The following ARL15 variants were observed in gnomAD, a reference collection of about 807,000 sequenced individuals.
ARL15 encodes the protein ARF like GTPase 15, also known as ADP-ribosylation factor-like protein 15.
Under a neutral mutation model 25.2 loss-of-function variants are expected in ARL15, and 19 were observed. That is an observed-to-expected ratio of 0.75 (90% CI 0.53 to 1.10). The LOEUF is 1.10. Ranked by LOEUF, ARL15 falls within the 50% of genes least tolerant of loss-of-function variation. The pLI, the probability that ARL15 is intolerant of heterozygous loss-of-function variation, is 0.00. For synonymous variants in ARL15, 94 were observed against 86.8 expected, an observed-to-expected ratio of 1.08 and a Z score of -0.46; for missense variants, 220 against 246.0, an observed-to-expected ratio of 0.89 and a Z score of 0.71.
chr5:54,066,311 C>T (rs1751229713), intron 4 of ARL15, among the ~76,000 whole-genome samples: 1 of 152,082 alleles, frequency 6.6e-6, no homozygotes, highest in Non-Finnish European at 1.5e-5. Context: ...AAAATGTAAA[C>T]TAGAAAAAGT....
intron 1 of ARL15, among the ~76,000 whole-genome samples, chr5:54,302,284 T>C (rs1758633502): frequency 6.6e-6 from 1 of 152,232 alleles, no homozygotes; most frequent in Non-Finnish European, 1.5e-5. Flanking sequence ...AGAATGCTCA[T>C]GGCCATGGGC....
At chr5:54,178,269 A>T (rs753110836) in intron 1 of ARL15, among the ~76,000 whole-genome samples, 1 of 152,178 alleles carries the variant, frequency 6.6e-6, no homozygotes, top group Non-Finnish European at 1.5e-5. Context: ...TCTGTTTTTC[A>T]TCATGAATAC....
chr5:54,280,298 G>A (rs1340350282), intron 1 of ARL15, among the ~76,000 whole-genome samples: 1 of 152,146 alleles, frequency 6.6e-6, no homozygotes, highest in Non-Finnish European at 1.5e-5. Flanking sequence ...GAGGATCTGG[G>A]AAAACAGACT....
At chr5:54,108,712 C>T (rs967632166) in intron 4 of ARL15, among the ~76,000 whole-genome samples, 1 of 151,932 alleles carries the variant, frequency 6.6e-6, no homozygotes, top group African/African-American at 2.4e-5. Context: ...TCTAGAGACA[C>T]AGATTGCCCA....
intron 4 of ARL15, among the ~76,000 whole-genome samples, chr5:53,948,504 C>T (rs1236897275): frequency 6.6e-6 from 1 of 152,190 alleles, no homozygotes; most frequent in Non-Finnish European, 1.5e-5. Context: ...ATCCTACACC[C>T]TATTCTTATT....
At chr5:53,912,748 A>T (rs1745506131) in intron 4 of ARL15, among the ~76,000 whole-genome samples, 1 of 152,182 alleles carries the variant, frequency 6.6e-6, no homozygotes, top group Non-Finnish European at 1.5e-5. Context: ...ACCCTCAGTG[A>T]TCTGAATTCA....
intron 1 of ARL15, among the ~76,000 whole-genome samples, chr5:54,225,033 C>T (rs1756480643): frequency 6.6e-6 from 1 of 152,110 alleles, no homozygotes; most frequent in African/African-American, 2.4e-5. Flanking sequence ...TCTTAAATTC[C>T]CTCAAGTTCA....
At chr5:54,056,546 C>T (rs368373969) in intron 4 of ARL15, among the ~76,000 whole-genome samples, 7 of 151,202 alleles carry the variant, frequency 4.6e-5, no homozygotes, top group African/African-American at 1.7e-4. Context: ...AGGAGAATTG[C>T]TTGAACCCAA....
intron 1 of ARL15, among the ~76,000 whole-genome samples, chr5:54,289,507 C>T (rs1758269481): frequency 6.6e-6 from 1 of 152,216 alleles, no homozygotes; most frequent in African/African-American, 2.4e-5. Flanking sequence ...TCCCAAACCC[C>T]TTGCATAGGC....
chr5:54,223,455 C>A (rs372389523), intron 1 of ARL15, among the ~76,000 whole-genome samples: 3 of 152,052 alleles, frequency 2.0e-5, no homozygotes, highest in Non-Finnish European at 2.9e-5. Context: ...AAGTTGAATG[C>A]GATCCCAGAG....
chr5:54,059,039 C>A (rs114576348), intron 4 of ARL15, among the ~76,000 whole-genome samples: 1 of 152,158 alleles, frequency 6.6e-6, no homozygotes, highest in African/African-American at 2.4e-5. Context: ...TTTTAAACTG[C>A]AGTCTAAAAG....
intron 4 of ARL15, among the ~76,000 whole-genome samples, chr5:54,060,129 T>TAAA (rs1165458695): frequency 0.018 from 1,378 of 77,508 alleles, 50 homozygotes; most frequent in African/African-American, 0.059. Context: ...ATCTGATGAC[T>TAAA]AAAAAAAAAA....
At chr5:53,888,694 G>A (rs998163657) in intron 4 of ARL15, among the ~76,000 whole-genome samples, 6 of 152,160 alleles carry the variant, frequency 3.9e-5, no homozygotes, top group Admixed American at 3.9e-4. Flanking sequence ...CTGGTGCAAA[G>A]ACCAGTATCA....
intron 4 of ARL15, among the ~76,000 whole-genome samples, chr5:53,980,938 G>C (rs1748098430): frequency 6.6e-6 from 1 of 151,944 alleles, no homozygotes; most frequent in African/African-American, 2.4e-5. Flanking sequence ...CTATAATCCT[G>C]CTACTGCACT....
intron 4 of ARL15, among the ~76,000 whole-genome samples, chr5:53,977,818 T>C (rs1747989754): frequency 6.6e-6 from 1 of 152,156 alleles, no homozygotes. Flanking sequence ...ACTGGTACCC[T>C]GTATGACCTT....
At chr5:54,009,991 A>G (rs1354171078) in intron 4 of ARL15, among the ~76,000 whole-genome samples, 1 of 152,174 alleles carries the variant, frequency 6.6e-6, no homozygotes, top group Non-Finnish European at 1.5e-5. Flanking sequence ...AAAAAAACAA[A>G]AACAAAAAGA....
intron 3 of ARL15, among the ~76,000 whole-genome samples, chr5:54,118,478 A>G (rs1174499302): frequency 6.6e-6 from 1 of 152,210 alleles, no homozygotes; most frequent in Non-Finnish European, 1.5e-5. Context: ...ATTCTTTTAT[A>G]AAAATTTTTA....
chr5:54,043,350 T>C (rs1209531705), intron 4 of ARL15, among the ~76,000 whole-genome samples: 2 of 152,200 alleles, frequency 1.3e-5, no homozygotes, highest in African/African-American at 4.8e-5. Context: ...TGTAGCAGGC[T>C]CTCAATAAGG....
At chr5:54,171,470 T>C (rs1256226558) in intron 2 of ARL15, among the ~76,000 whole-genome samples, 1 of 152,158 alleles carries the variant, frequency 6.6e-6, no homozygotes, top group Non-Finnish European at 1.5e-5. Flanking sequence ...AGGAAAGTAC[T>C]CTATGGGCCC....
Sources: allele counts gnomAD v4.1 joint callset (sites outside exome capture counted in the v4.1 genomes callset), GRCh38; gene constraint gnomAD v4.1.1; transcripts MANE v1.5; gene names NCBI Gene and HGNC (gene_info 2026-07-23, HGNC 2026-07-21).